The following NEO1 variants were observed in gnomAD, a reference collection of about 807,000 sequenced individuals.
The protein encoded by NEO1 is neogenin 1.
NEO1 carries 63 observed loss-of-function variants against 159.7 expected under a neutral mutation model. That is an observed-to-expected ratio of 0.39 (90% CI 0.32 to 0.49). The LOEUF (loss-of-function observed/expected upper bound fraction) is 0.49, where lower values mean the gene tolerates loss of function less well. Among genes scored for constraint, NEO1 ranks in the 20% least tolerant of loss-of-function variants. The pLI is 0.85. For missense variants in NEO1, 1,615 were observed against 1,831.0 expected (o/e 0.88, Z 2.15); for synonymous variants, 633 against 662.0 (o/e 0.96, Z 0.67).
intron 5 of NEO1, among the ~76,000 whole-genome samples, chr15:73,166,998 C>T (rs2034613508): frequency 6.6e-6 from 1 of 151,636 alleles, no homozygotes; most frequent in Non-Finnish European, 1.5e-5. Context: ...AGCTGGAAAC[C>T]ATCATTCTCA....
intron 7 of NEO1, among the ~76,000 whole-genome samples, chr15:73,232,367 T>G (rs2038955661): frequency 1.3e-5 from 2 of 152,222 alleles, no homozygotes; most frequent in South Asian, 4.1e-4. Context: ...CTGTATAGAT[T>G]AGTGCTGAAC....
At chr15:73,259,401 A>G (rs192213862) in intron 14 of NEO1, among the ~76,000 whole-genome samples, 1 of 136,852 alleles carries the variant, frequency 7.3e-6, no homozygotes, top group Non-Finnish European at 1.5e-5. Flanking sequence ...GGGATCTCAC[A>G]CTGTCACCCA....
chr15:73,209,449 A>G (rs569242378), intron 7 of NEO1, among the ~76,000 whole-genome samples: 14 of 152,286 alleles, frequency 9.2e-5, no homozygotes, highest in Admixed American at 3.9e-4. Flanking sequence ...AATGTCTTTA[A>G]TCTGAAGGAA....
intron 1 of NEO1, among the ~76,000 whole-genome samples, chr15:73,081,516 A>G (rs2069044556): frequency 6.6e-6 from 1 of 152,104 alleles, no homozygotes; most frequent in Admixed American, 6.5e-5. Flanking sequence ...TGATAAAAAC[A>G]TTTCCAGAAC....
intron 22 of NEO1, among the ~76,000 whole-genome samples, chr15:73,278,683 C>T (rs1478005639): frequency 6.6e-6 from 1 of 152,250 alleles, no homozygotes. Flanking sequence ...TACAGAGCTT[C>T]ACCATATATA....
chr15:73,298,965 C>T (rs764171013), intron 27 of NEO1, among the ~76,000 whole-genome samples: 3 of 152,158 alleles, frequency 2.0e-5, no homozygotes, highest in Non-Finnish European at 2.9e-5. Context: ...AAGGTCCCTG[C>T]AAACTAGAGA....
intron 5 of NEO1, among the ~76,000 whole-genome samples, chr15:73,157,058 C>T (rs1271768021): frequency 1.3e-5 from 2 of 152,204 alleles, no homozygotes. Flanking sequence ...CCTCCCACTC[C>T]TAACTGTGGC....
chr15:73,298,150 A>C lies in NEO1; in HGVS notation c.3902-198A>C, dbSNP rs1596650990. 5 of 621,370 alleles carry C rather than the reference A, an allele frequency of 8.0e-6. No individual in the cohort carries two copies. In the South Asian group the frequency reaches 1.1e-4, roughly 14 times the overall value. 38.5% of individuals were successfully genotyped at this position (621,370 alleles called of 1,614,324 possible). On this transcript the variant is annotated intron_variant, in intron 26 of 28. Transcript: ENST00000261908. ...ACTTAGCTGTGAGGTGAAAAACTGG[A>C]ATAGCTGGTTGAGTACAAAATTGTT...
At chr15:73,151,707 A>G (rs2033385981) in intron 5 of NEO1, among the ~76,000 whole-genome samples, 1 of 152,180 alleles carries the variant, frequency 6.6e-6, no homozygotes, top group Admixed American at 6.5e-5. Context: ...AACCACCCCC[A>G]TGATTCAGTT....
chr15:73,126,718 A>G (rs2151686012), intron 4 of NEO1, 148 bp downstream of exon 4: 1 of 580,938 alleles, frequency 1.7e-6, no homozygotes, highest in Non-Finnish European at 2.8e-6. Context: ...ATATGTTCAT[A>G]TGATATATAT....
intron 2 of NEO1, among the ~76,000 whole-genome samples, chr15:73,121,217 G>A (rs964122080): frequency 1.3e-5 from 2 of 152,138 alleles, no homozygotes; most frequent in African/African-American, 4.8e-5. Flanking sequence ...GTACCCGCCT[G>A]TCCTCCTCCC....
In NEO1 at chr15:73,252,333, G is replaced by A. The variant is rs112988328; in HGVS notation, c.1895-1067G>A. On this transcript the variant is annotated intron_variant, in intron 11 of 28. Coordinates refer to ENST00000261908, the MANE Select transcript of NEO1 (RefSeq NM_002499.4). ...TTTGCTTGCTCTCACCAATATGAAG[G>A]GAGATACTAGAGAATGTGTGGGCCA... Among the ~76,000 whole-genome samples the A allele has an allele frequency of 7.0e-3, 1,063 of 152,266 alleles. 11 individuals are homozygous for A. The highest frequency in any genetic ancestry group is 0.053 in the South Asian group (254 of 4,828).
rs8026579 is a variant in NEO1, at chr15:73,125,485, A to T, written c.725-932A>T. On this transcript the variant is annotated intron_variant, in intron 3 of 28. Transcript: ENST00000261908. ...ATGTTTCCTTGTTACCATGGCTACA[A>T]GACTGTCATTAATTGGTTAGACAAG... Among the ~76,000 whole-genome samples, 3 of 152,076 alleles carry T rather than the reference A, an allele frequency of 2.0e-5. No homozygotes were observed. In the South Asian group the frequency reaches 6.2e-4, roughly 31 times the overall value.
At position 73,064,031 on chromosome 15, in the gene NEO1, G is replaced by A. The variant is rs568475453; in HGVS notation, c.130+11226G>A. On this transcript the variant is annotated intron_variant, in intron 1 of 28. Transcript: ENST00000261908. ...TGTATTAGGAAGTTCTAAGGAGTTA[G>A]CGTTTGCCACTTTCTGAAGAATACT... is the stretch of plus-strand genomic sequence containing the variant. 1.5e-3 allele frequency among the ~76,000 whole-genome samples: 223 copies of A among 152,332 alleles called. 3 individuals are homozygous for A. Among genetic ancestry groups the A allele is most frequent in the African/African-American group, 5.3e-3 (219 of 41,568 alleles).
chr15:73,183,794 C>T (rs890750480), intron 7 of NEO1, among the ~76,000 whole-genome samples: 1 of 152,110 alleles, frequency 6.6e-6, no homozygotes, highest in African/African-American at 2.4e-5. Flanking sequence ...CTCCTAAGCA[C>T]AGGACAATGG....
At chr15:73,244,968 A>AAAAAAAAC (rs1485003169) in intron 9 of NEO1, among the ~76,000 whole-genome samples, 2 of 146,112 alleles carry the variant, frequency 1.4e-5, no homozygotes, top group African/African-American at 5.0e-5. Flanking sequence ...AAAAAAAAAA[A>AAAAAAAAC]AAAAAAAAAA....
At chr15:73,231,706 A>C (rs2038920553) in intron 7 of NEO1, among the ~76,000 whole-genome samples, 1 of 152,190 alleles carries the variant, frequency 6.6e-6, no homozygotes, top group African/African-American at 2.4e-5. Context: ...TGGGTGATAG[A>C]GCAAGACCCT....
Position 73,146,062 on chromosome 15 carries a change from C to A in NEO1, c.1015+10035C>A, listed in dbSNP as rs8041279. On this transcript the variant is annotated intron_variant, in intron 5 of 28. Transcript: ENST00000261908. ...CCCTTGCCTGGCTTTCCTCAGAAAC[C>A]TCTGAAACTCTGACTCCTACCTATT... 8.5e-3 allele frequency among the ~76,000 whole-genome samples: 1,300 copies of A among 152,282 alleles called. 21 individuals are homozygous for A. The highest frequency in any genetic ancestry group is 0.029 in the African/African-American group (1,225 of 41,566).
At chr15:73,106,310 C>A (rs2070690186) in intron 1 of NEO1, among the ~76,000 whole-genome samples, 1 of 151,998 alleles carries the variant, frequency 6.6e-6, no homozygotes, top group African/African-American at 2.4e-5. Flanking sequence ...CAGTGCTGTA[C>A]AATGGAAATA....
Sources: gnomAD v4.1 joint callset for allele counts (sites outside exome capture counted in the v4.1 genomes callset) on GRCh38, gnomAD v4.1.1 for gene constraint, MANE v1.5 for transcripts, NCBI Gene and HGNC (gene_info 2026-07-23, HGNC 2026-07-21) for gene names.